Variants in ZNF385D observed in about 807,000 individuals in gnomAD.
ZNF385D encodes the protein zinc finger protein 659.
In ZNF385D, 15 loss-of-function variants were observed where a neutral mutation model predicts 35.8. That is an observed-to-expected ratio of 0.42 (90% CI 0.28 to 0.64). The LOEUF (loss-of-function observed/expected upper bound fraction) is 0.64. ZNF385D is among the 30% of genes least tolerant of loss of function. The pLI is 0.23. For missense variants in ZNF385D, 474 were observed against 494.6 expected (o/e 0.96, Z 0.39); for synonymous variants, 212 against 186.8 (o/e 1.13, Z -1.10).
chr3:21,690,012 T>C (rs2125340011), intron 1 of ZNF385D, among the ~76,000 whole-genome samples: 1 of 152,194 alleles, frequency 6.6e-6, no homozygotes, highest in East Asian at 1.9e-4. Context: ...AGACTGAAAT[T>C]AAAGATAACA....
chr3:22,183,460 C>A (rs933869074), intron 2 of ZNF385D, among the ~76,000 whole-genome samples: 1 of 151,872 alleles, frequency 6.6e-6, no homozygotes, highest in Non-Finnish European at 1.5e-5. Flanking sequence ...CGGGTTCAAG[C>A]GATTCTCCTG....
At chr3:21,871,576 A>T (rs1358952791) in intron 3 of ZNF385D, among the ~76,000 whole-genome samples, 1 of 152,178 alleles carries the variant, frequency 6.6e-6, no homozygotes, top group Non-Finnish European at 1.5e-5. Flanking sequence ...AGGAATGATT[A>T]TCATGATTTA....
intron 2 of ZNF385D, among the ~76,000 whole-genome samples, chr3:22,197,140 T>G (rs1696474151): frequency 6.6e-6 from 1 of 152,040 alleles, no homozygotes; most frequent in Non-Finnish European, 1.5e-5. Context: ...CTTTTAAAGG[T>G]GGAATTTTTT....
intron 2 of ZNF385D, among the ~76,000 whole-genome samples, chr3:22,185,783 A>T (rs369373748): frequency 2.0e-5 from 3 of 152,214 alleles, no homozygotes; most frequent in African/African-American, 7.2e-5. Flanking sequence ...TTTTTTAAAA[A>T]TAAAAGATTT....
At chr3:21,670,647 G>GACCCCCCCCCC (rs1575432248) in intron 1 of ZNF385D, among the ~76,000 whole-genome samples, 1 of 15,758 alleles carries the variant, frequency 6.3e-5, no homozygotes. Flanking sequence ...GAAATCCTAA[G>GACCCCCCCCCC]GCGCCCCCCC....
At chr3:21,431,524 G>A (rs546304438) in intron 5 of ZNF385D, among the ~76,000 whole-genome samples, 11 of 152,186 alleles carry the variant, frequency 7.2e-5, no homozygotes, top group South Asian at 2.1e-4. Context: ...TGAGGGCACC[G>A]CAACAGAGAA....
At chr3:21,583,474 A>C (rs1478063506) in intron 2 of ZNF385D, among the ~76,000 whole-genome samples, 1 of 152,234 alleles carries the variant, frequency 6.6e-6, no homozygotes, top group Non-Finnish European at 1.5e-5. Flanking sequence ...CTTCAGATGA[A>C]GAACAAAACT....
chr3:21,889,831 C>G (rs4102906), intron 3 of ZNF385D, among the ~76,000 whole-genome samples: 4,625 of 152,216 alleles, frequency 0.03, 567 homozygotes, highest in Admixed American at 0.2. Context: ...TCAGCAGGAT[C>G]AAGCCCCCTC....
intron 2 of ZNF385D, among the ~76,000 whole-genome samples, chr3:22,191,523 G>A (rs1245807284): frequency 6.6e-6 from 1 of 150,520 alleles, no homozygotes; most frequent in Non-Finnish European, 1.5e-5. Context: ...TTTTCCTAAT[G>A]TGATCACTTA....
intron 2 of ZNF385D, among the ~76,000 whole-genome samples, chr3:22,255,539 G>A (rs745426199): frequency 2.0e-5 from 3 of 151,546 alleles, no homozygotes; most frequent in Non-Finnish European, 2.9e-5. Context: ...CTGTAGGATC[G>A]TTTTATCAAA....
intron 2 of ZNF385D, among the ~76,000 whole-genome samples, chr3:22,296,993 G>A (rs146848198): frequency 8.6e-4 from 131 of 152,206 alleles, no homozygotes; most frequent in African/African-American, 3.1e-3. Context: ...CATTTTCAGG[G>A]CCTGAGGTAC....
chr3:21,944,218 C>A (rs1330086592), intron 3 of ZNF385D, among the ~76,000 whole-genome samples: 1 of 152,156 alleles, frequency 6.6e-6, no homozygotes, highest in Admixed American at 6.5e-5. Flanking sequence ...GCAGGCTGTA[C>A]AAATCTTCTT....
At chr3:21,975,314 A>G (rs1376388627) in intron 3 of ZNF385D, among the ~76,000 whole-genome samples, 1 of 152,190 alleles carries the variant, frequency 6.6e-6, no homozygotes, top group Non-Finnish European at 1.5e-5. Context: ...CAGCAAGACA[A>G]ACTTCCTATG....
chr3:22,129,576 C>A (rs1166138183), intron 3 of ZNF385D, among the ~76,000 whole-genome samples: 1 of 152,126 alleles, frequency 6.6e-6, no homozygotes, highest in East Asian at 1.9e-4. Flanking sequence ...CTGTCCTTTC[C>A]TGAAGCAGAA....
intron 1 of ZNF385D, among the ~76,000 whole-genome samples, chr3:21,703,900 T>C (rs1345741775): frequency 6.6e-6 from 1 of 152,194 alleles, no homozygotes; most frequent in Non-Finnish European, 1.5e-5. Flanking sequence ...ACTCTAGCAC[T>C]ATGCAAGTAT....
intron 3 of ZNF385D, among the ~76,000 whole-genome samples, chr3:21,811,848 T>C (rs1024571774): frequency 1.1e-4 from 17 of 152,198 alleles, no homozygotes; most frequent in African/African-American, 4.1e-4. Context: ...TCATGTTAAA[T>C]GGCTCATGGA....
rs1365177179 is a variant in ZNF385D at position 21,925,842 on chromosome 3, A to C, written c.325+242975T>G. The stretch of plus-strand genomic sequence containing the variant: ...AAAAGACCAAAAAACACCTTGCCAA[A>C]ATGATATACAGATGACAAATACACA... On this transcript the variant is annotated intron_variant, in intron 3 of 5. Transcript: ENST00000494108. 2.6e-5 allele frequency among the ~76,000 whole-genome samples: 4 copies of C among 152,214 alleles called. No individual in the cohort carries two copies. The East Asian group carries it at 5.8e-4, about 22-fold the overall frequency.
intron 4 of ZNF385D, among the ~76,000 whole-genome samples, chr3:21,453,324 A>T (rs1702583650): frequency 2.0e-5 from 3 of 152,192 alleles, no homozygotes; most frequent in East Asian, 1.9e-4. Flanking sequence ...GTTTCTTAAA[A>T]TGGAAATAAA....
chr3:21,681,698 G>GAAAAAAAAAAAAAAAAAAAA (rs5847124), intron 1 of ZNF385D, among the ~76,000 whole-genome samples: 2 of 133,224 alleles, frequency 1.5e-5, no homozygotes, highest in Non-Finnish European at 1.6e-5. Context: ...AAAAAAAAAC[G>GAAAAAAAAAAAAAAAAAAAA]AAAAAAAAAA....
Sources: gnomAD v4.1 joint callset for allele counts (sites outside exome capture counted in the v4.1 genomes callset) on GRCh38, gnomAD v4.1.1 for gene constraint, MANE v1.5 for transcripts, NCBI Gene and HGNC (gene_info 2026-07-23, HGNC 2026-07-21) for gene names.